Variants in ZFPM1 observed in about 807,000 individuals in gnomAD.
The protein encoded by ZFPM1 is zinc finger protein ZFPM1.
ZFPM1 carries 28 observed loss-of-function variants against 46.3 expected under a neutral mutation model. The observed-to-expected ratio is 0.60, with a 90% CI of 0.45 to 0.83. The LOEUF is 0.83. Among genes scored for constraint, ZFPM1 ranks in the 40% least tolerant of loss-of-function variants. The pLI, the probability that ZFPM1 is intolerant of heterozygous loss-of-function variation, is 0.00. For missense variants in ZFPM1, 1,878 were observed against 1,432.4 expected (o/e 1.31, Z -5.02); for synonymous variants, 957 against 675.9 (o/e 1.42, Z -6.45).
intron 4 of ZFPM1, chr16:88,516,206 C>T: frequency 2.5e-6 from 1 of 398,662 alleles, no homozygotes; most frequent in African/African-American, 2.1e-5. Context: ...TCTGCCTATC[C>T]CCGGAGACCC....
At chr16:88,529,238 C>T (rs748068854) in intron 6 of ZFPM1, among the ~76,000 whole-genome samples, 32 of 152,252 alleles carry the variant, frequency 2.1e-4, no homozygotes, top group Non-Finnish European at 4.4e-4. Flanking sequence ...AGTCTGGCTC[C>T]GGCCAGCGGC....
chr16:88,462,617 G>T (rs963240252), intron 1 of ZFPM1, among the ~76,000 whole-genome samples: 2 of 152,216 alleles, frequency 1.3e-5, no homozygotes, highest in Non-Finnish European at 2.9e-5. Flanking sequence ...CAGCCACCGC[G>T]GGCTTCCGGG....
chr16:88,460,813 C>T (rs1343620208), intron 1 of ZFPM1, among the ~76,000 whole-genome samples: 1 of 151,840 alleles, frequency 6.6e-6, no homozygotes, highest in East Asian at 2.0e-4. Context: ...TTATTCATGC[C>T]GGGTGACATG....
chr16:88,474,397 C>A (rs1442609979), intron 1 of ZFPM1, among the ~76,000 whole-genome samples: 4 of 152,166 alleles, frequency 2.6e-5, no homozygotes, highest in Admixed American at 2.6e-4. Context: ...GCCAGGGTTC[C>A]CCCAGCAGCC....
intron 5 of ZFPM1, 55 bp from the exon 6 acceptor site, chr16:88,527,977 C>T (rs952537884): frequency 4.1e-6 from 6 of 1,460,916 alleles, no homozygotes; most frequent in African/African-American, 1.4e-5. Context: ...TTGTTTAAGA[C>T]GGGACAGGGA....
At chr16:88,512,775 C>A (rs899143627) in intron 3 of ZFPM1, among the ~76,000 whole-genome samples, 9 of 152,120 alleles carry the variant, frequency 5.9e-5, no homozygotes, top group African/African-American at 2.2e-4. Context: ...TCGGGGGAGT[C>A]TCTTCTCTCC....
At chr16:88,453,754 C>A in intron 1 of ZFPM1, 76 bp downstream of exon 1, 1 of 927,806 alleles carries the variant, frequency 1.1e-6, no homozygotes. Flanking sequence ...GCCGCCCCCG[C>A]CCGTCCCCGC....
intron 1 of ZFPM1, among the ~76,000 whole-genome samples, chr16:88,478,608 G>T (rs1398998052): frequency 6.6e-6 from 1 of 152,254 alleles, no homozygotes; most frequent in Non-Finnish European, 1.5e-5. Context: ...AGTCCAGCCG[G>T]TGAACCAGTG....
chr16:88,524,116 T>A (rs1276326787), intron 4 of ZFPM1, among the ~76,000 whole-genome samples: 1 of 152,166 alleles, frequency 6.6e-6, no homozygotes, highest in Admixed American at 6.5e-5. Context: ...ATAATTAGAT[T>A]TCATATCGTT....
At chr16:88,516,229 T>G (rs1043862527) in intron 4 of ZFPM1, 1 of 398,514 alleles carries the variant, frequency 2.5e-6, no homozygotes, top group East Asian at 3.6e-5. Flanking sequence ...GCAAGCTCCT[T>G]AATGGTAGGG....
chr16:88,523,945 C>A (rs1159963271), intron 4 of ZFPM1, among the ~76,000 whole-genome samples: 1 of 152,218 alleles, frequency 6.6e-6, no homozygotes, highest in Non-Finnish European at 1.5e-5. Flanking sequence ...CTGCCCTCCA[C>A]TCGGGACCGC....
At chr16:88,519,481 C>T (rs1375761328) in intron 4 of ZFPM1, among the ~76,000 whole-genome samples, 1 of 138,368 alleles carries the variant, frequency 7.2e-6, no homozygotes, top group African/African-American at 2.8e-5. Context: ...GATGGATAGA[C>T]ATATGGGTGG....
intron 4 of ZFPM1, chr16:88,516,590 T>A (rs1176786593): frequency 2.5e-6 from 1 of 398,560 alleles, no homozygotes; most frequent in Non-Finnish European, 4.4e-6. Context: ...GCGCCGAGTG[T>A]CCAGACACAC....
intron 3 of ZFPM1, among the ~76,000 whole-genome samples, chr16:88,493,827 T>C (rs2142387163): frequency 6.6e-6 from 1 of 152,218 alleles, no homozygotes; most frequent in African/African-American, 2.4e-5. Context: ...AGGCACTCAG[T>C]GGGTGCTGGT....
chr16:88,460,464 G>C (rs1907766843), intron 1 of ZFPM1, among the ~76,000 whole-genome samples: 1 of 152,226 alleles, frequency 6.6e-6, no homozygotes, highest in African/African-American at 2.4e-5. Flanking sequence ...TTTTTCAGAT[G>C]AGGATGAAAA....
rs1258386117 is a variant in ZFPM1, at chr16:88,453,529, C to T, written c.-110C>T. The T allele has an allele frequency of 4.2e-6, 2 of 472,062 alleles. No homozygotes were observed. Among genetic ancestry groups the T allele is most frequent in the Admixed American group, 6.6e-5 (1 of 15,044 alleles). The allele number at this position is 472,062 out of a possible 1,614,324, so 29.2% of individuals were successfully genotyped here. A position where few individuals can be genotyped will look rare whatever the true frequency, so the allele number is the denominator to read the frequency against. On this transcript the variant is annotated 5_prime_UTR_variant, in exon 1 of 10. Transcript: ENST00000319555. ...GCGCGGGCCGGGGCGGCCGCGGAGACCGGGGGCCGGGGGCATGAGCGGCCC... is the reference window on the plus strand; with the variant it reads ...GCGCGGGCCGGGGCGGCCGCGGAGATCGGGGGCCGGGGGCATGAGCGGCCC...
At chr16:88,477,309 A>T (rs1908733941) in intron 1 of ZFPM1, among the ~76,000 whole-genome samples, 2 of 152,272 alleles carry the variant, frequency 1.3e-5, no homozygotes, top group Admixed American at 6.5e-5. Flanking sequence ...AAAGAGTAAG[A>T]TTTTCAGTGA....
Position 88,532,092 on chromosome 16 carries a change from A to C in ZFPM1, c.803A>C (p.Gln268Pro). ...CTGCTCTACTACTGCGCCAGCCGCC[A>C]GGGCACCGGCTCCCCGGCCGCAGCC... The part of the protein sequence containing the change: ...AHLLYYCASR[Q>P]GTGSPAAAAT... Residue 268 changes from glutamine to proline, a missense_variant, in exon 7 of 10, where the codon CAG becomes CCG. Gln to Pro is a moderately conservative substitution (Grantham distance 76). Transcript: ENST00000319555. 1.9e-6 allele frequency: 3 copies of C among 1,612,430 alleles called. No homozygotes were observed. The highest frequency in any genetic ancestry group is 2.5e-6 in the Non-Finnish European group (3 of 1,179,732).
chr16:88,526,967 A>G (rs1912387347), intron 5 of ZFPM1, 51 bp downstream of exon 5: 2 of 1,526,754 alleles, frequency 1.3e-6, no homozygotes, highest in African/African-American at 1.4e-5. Context: ...GGTGGGGGTC[A>G]CTTGGCTCCC....
Sources: gnomAD v4.1 joint callset for allele counts (sites outside exome capture counted in the v4.1 genomes callset) on GRCh38, gnomAD v4.1.1 for gene constraint, MANE v1.5 for transcripts, NCBI Gene and HGNC (gene_info 2026-07-23, HGNC 2026-07-21) for gene names.